ENGASE: variants seen among roughly 807,000 people sequenced by gnomAD.
ENGASE encodes the protein endo-beta-N-acetylglucosaminidase.
ENGASE carries 69 observed loss-of-function variants against 78.5 expected under a neutral mutation model. That is an observed-to-expected ratio of 0.88 (90% confidence interval 0.72 to 1.07). ENGASE has a LOEUF of 1.07. Among genes scored for constraint, ENGASE ranks in the 50% least tolerant of loss-of-function variants. The probability of loss-of-function intolerance (pLI) is 0.00; values close to 1 mark genes in which losing one functional copy is unlikely to be tolerated. For synonymous variants in ENGASE, 408 were observed against 408.9 expected (o/e 1.00, Z 0.03); for missense variants, 943 against 988.4 (o/e 0.95, Z 0.62).
In ENGASE at chr17:79,086,092, C is replaced by T. The variant is rs117014247; in HGVS notation, c.1975C>T (p.Arg659Cys). 0.019 allele frequency: 30,583 copies of T among 1,613,652 alleles called. 390 individuals are homozygous for T. The highest frequency in any genetic ancestry group is 0.023 in the Non-Finnish European group (27,126 of 1,180,036). Residue 659 changes from arginine to cysteine, a missense_variant, in exon 14 of 14, where the codon CGT becomes TGT. By Grantham distance (180) the Arg-to-Cys change is radical (BLOSUM62 -3). Transcript: ENST00000579016. ...CTGGTCCTTCCTCCTCTCACAAGTCCGTTGCTTCCGAATCCACTGCTGGGG... is the reference window on the plus strand; with the variant it reads ...CTGGTCCTTCCTCCTCTCACAAGTCTGTTGCTTCCGAATCCACTGCTGGGG... ...LHWSFLLSQV[R>C]CFRIHCWGGM... is the part of the protein sequence containing the mutation.
At position 79,074,983 on chromosome 17, in the gene ENGASE, A is replaced by ACGGCGG. The variant is rs768518441; in HGVS notation, c.50_55dup (p.Arg17_Arg18dup). 4.9e-6 allele frequency: 6 copies of ACGGCGG among 1,230,168 alleles called. No individual in the cohort carries two copies. Among genetic ancestry groups the ACGGCGG allele is most frequent in the Non-Finnish European group, 4.1e-6 (4 of 984,508 alleles). 76.2% of individuals were successfully genotyped at this position (1,230,168 alleles called of 1,614,324 possible). A position where few individuals can be genotyped will look rare whatever the true frequency, so the allele number is the denominator to read the frequency against. ...CGGTGACGGTCACCCGGTCGGCTAC[A>ACGGCGG]CGGCGGCGGCGGCGGCAGCTGCAGG... On this transcript the variant is annotated inframe_insertion, in exon 1 of 14. Transcript: ENST00000579016.
rs2073214610 is a variant in ENGASE at position 79,083,804 on chromosome 17, TC to T, written c.1297del (p.Gln433SerfsTer17). 5 of 1,612,222 alleles carry T rather than the reference TC, an allele frequency of 3.1e-6. No individual in the cohort carries two copies. Among genetic ancestry groups the T allele is most frequent in the Non-Finnish European group, 4.2e-6 (5 of 1,179,446 alleles). Reference sequence around the variant, plus strand: ...TGGTACCACCTGAGCGCCCAGGAGATCCAGCCCTTGTTTGGAGAACACAGGC... The same window carrying T: ...TGGTACCACCTGAGCGCCCAGGAGATCAGCCCTTGTTTGGAGAACACAGGC... ...GPWYHLSAQE[I>X]QPLFGEHRLG... On this transcript the variant is annotated frameshift_variant, in exon 10 of 14. Transcript: ENST00000579016. LOFTEE classifies it high-confidence loss of function. The surrounding 1 kb of genome is among the most constrained non-coding windows in gnomAD (Gnocchi z 4.9).
Position 79,088,147 on chromosome 17 carries a change from C to CGGGGACTGTCCTGGGTG in ENGASE, c.*1799_*1800insGGGACTGTCCTGGGTGG, listed in dbSNP as rs2073385597. On this transcript the variant is annotated 3_prime_UTR_variant, in exon 14 of 14. Transcript: ENST00000579016. The stretch of plus-strand genomic sequence containing the variant: ...ACGGCAGGTGAACACAAGCGGCTGC[C>CGGGGACTGTCCTGGGTG]GCATGTAGCCACTCACTCGACTTTT... 2 of 152,162 alleles carry CGGGGACTGTCCTGGGTG rather than the reference C, an allele frequency of 1.3e-5. No individual in the cohort carries two copies. Among genetic ancestry groups the CGGGGACTGTCCTGGGTG allele is most frequent in the Non-Finnish European group, 2.9e-5 (2 of 68,060 alleles). 9.4% of individuals were successfully genotyped at this position (152,162 alleles called of 1,614,324 possible). A position where few individuals can be genotyped will look rare whatever the true frequency, so the allele number is the denominator to read the frequency against.
intron 1 of ENGASE, 85 bp downstream of exon 1, chr17:79,075,175 C>G: frequency 8.5e-7 from 1 of 1,180,680 alleles, no homozygotes; most frequent in South Asian, 4.2e-5. Flanking sequence ...GGCACGGGCG[C>G]GCCGAGGGGC....
intron 6 of ENGASE, 100 bp downstream of exon 6, chr17:79,081,173 G>A (rs2073126198): frequency 7.4e-7 from 1 of 1,344,110 alleles, no homozygotes; most frequent in Admixed American, 2.4e-5. Flanking sequence ...TCTCCCTCAT[G>A]GAGGTGATGC....
In ENGASE at chr17:79,083,518, T is replaced by G. The variant is rs770908310; in HGVS notation, c.1179T>G (p.His393Gln). The G allele has an allele frequency of 3.7e-6, 6 of 1,614,050 alleles. No individual in the cohort carries two copies. The highest frequency in any genetic ancestry group is 5.1e-6 in the Non-Finnish European group (6 of 1,180,014). The change falls in exon 9 of 14, where the codon CAT becomes CAG. Residue 393 changes from histidine (H) to glutamine (Q), a missense_variant. Transcript: ENST00000579016. The surrounding 1 kb of genome is among the most constrained non-coding windows in gnomAD (Gnocchi z 4.9). The part of the protein sequence containing the change: ...WGRLERYLPT[H>Q]SICSLPFVTS... ...GACTGGAGCGTTATCTGCCCACACATAGCATCTGCTCCTTGCCTTTCGTCA... is the reference window on the plus strand; with the variant it reads ...GACTGGAGCGTTATCTGCCCACACAGAGCATCTGCTCCTTGCCTTTCGTCA...
In ENGASE at chr17:79,086,632, A is replaced by C. The variant is rs2073321332; in HGVS notation, c.*283A>C. ...CCACGGTACCTGGTTCCCAGGTGAA[A>C]ATGAAAGGAGGGGAGAAGTTGAGAA... On this transcript the variant is annotated 3_prime_UTR_variant, in exon 14 of 14. Transcript: ENST00000579016. The C allele has an allele frequency of 5.6e-6, 3 of 535,804 alleles. No individual in the cohort carries two copies. Among genetic ancestry groups the C allele is most frequent in the Non-Finnish European group, 6.7e-6 (2 of 297,554 alleles). 33.2% of individuals were successfully genotyped at this position (535,804 alleles called of 1,614,324 possible). A position where few individuals can be genotyped will look rare whatever the true frequency, so the allele number is the denominator to read the frequency against.
At chr17:79,076,987 C>A (rs1347784002) in intron 1 of ENGASE, among the ~76,000 whole-genome samples, 2 of 152,232 alleles carry the variant, frequency 1.3e-5, no homozygotes, top group Non-Finnish European at 1.5e-5. Flanking sequence ...ATTCTCCCTG[C>A]CTCAGCCTCC....
chr17:79,080,916 C>G lies in ENGASE; in HGVS notation c.724-9C>G. The stretch of plus-strand genomic sequence containing the variant: ...TCACTGAGGCTCTCACCTTGTTCTT[C>G]TCTTTCAGCTGGCCGCTGTGGGGAA... On this transcript the variant is annotated splice_polypyrimidine_tract_variant and intron_variant, in intron 5 of 13. Coordinates refer to ENST00000579016, the MANE Select transcript of ENGASE (RefSeq NM_001042573.3). 1 of 1,607,280 alleles carries G rather than the reference C, an allele frequency of 6.2e-7. No homozygotes were observed. The highest frequency in any genetic ancestry group is 8.5e-7 in the Non-Finnish European group (1 of 1,175,904).
In ENGASE at chr17:79,082,959, G is replaced by A. The variant is rs145360493; in HGVS notation, c.1039-61G>A. ...GAGAGCCCCAACCCACGTCACTGGCGTCCAGGAGCCTGTCTGGACTCTGGT... is the reference window on the plus strand; with the variant it reads ...GAGAGCCCCAACCCACGTCACTGGCATCCAGGAGCCTGTCTGGACTCTGGT... On this transcript the variant is annotated intron_variant, in intron 7 of 13. Transcript: ENST00000579016. 600 of 1,591,712 alleles carry A rather than the reference G, an allele frequency of 3.8e-4. 3 individuals are homozygous for A. In the Middle Eastern group the frequency reaches 0.015, roughly 40 times the overall value.
At position 79,077,857 on chromosome 17, in the gene ENGASE, G is replaced by C. The variant is rs1180932403; in HGVS notation, c.409G>C (p.Asp137His). The change falls in exon 3 of 14, where the codon GAT (aspartate) becomes CAT (histidine). Residue 137 changes from aspartate (D) to histidine (H), a missense_variant. Transcript: ENST00000579016. ...LCHDMMGGYLDDRFIQGSVVQ... is the reference protein window; with the variant it reads ...LCHDMMGGYLHDRFIQGSVVQ... ...TCATGACATGATGGGCGGGTACCTGGATGACAGGTGAGGACCTGGCCTTAC... is the reference window on the plus strand; with the variant it reads ...TCATGACATGATGGGCGGGTACCTGCATGACAGGTGAGGACCTGGCCTTAC... 2 of 1,546,970 alleles carry C rather than the reference G, an allele frequency of 1.3e-6. No homozygotes were observed. Among genetic ancestry groups the C allele is most frequent in the Admixed American group, 3.5e-5 (2 of 57,642 alleles).
chr17:79,080,957 G>A lies in ENGASE; in HGVS notation c.756G>A (p.Leu252=). The A allele has an allele frequency of 3.1e-6, 5 of 1,613,356 alleles. No homozygotes were observed. The highest frequency in any genetic ancestry group is 4.2e-6 in the Non-Finnish European group (5 of 1,179,822). ...LAAVGNMPPF[L]RYLTTQLHRQ... ...CTGTGGGGAACATGCCTCCTTTCCT[G>A]CGGTACCTCACCACACAGCTGCACC... is the stretch of plus-strand genomic sequence containing the variant. The change falls in exon 6 of 14, where the codon CTG becomes CTA. Residue 252 remains leucine (L), a synonymous_variant. Transcript: ENST00000579016.
In ENGASE at chr17:79,079,597, C is replaced by T. The variant is rs2073069847; in HGVS notation, c.525C>T (p.Gly175=). 2 of 1,613,934 alleles carry T rather than the reference C, an allele frequency of 1.2e-6. No individual in the cohort carries two copies. Among genetic ancestry groups the T allele is most frequent in the African/African-American group, 1.3e-5 (1 of 74,916 alleles). ...ACACCGTCACCATTCCCCCAGTGGG[C>T]TGGACCAACACTGCCCACAGGCATG... The part of the protein sequence containing the change: ...SHHTVTIPPV[G]WTNTAHRHGV... The change falls in exon 4 of 14, where the codon GGC becomes GGT. Residue 175 remains glycine (G), a synonymous_variant. Coordinates refer to ENST00000579016, the MANE Select transcript of ENGASE (RefSeq NM_001042573.3).
intron 13 of ENGASE, 49 bp downstream of exon 13, chr17:79,085,783 G>A: frequency 6.2e-7 from 1 of 1,605,902 alleles, no homozygotes; most frequent in Non-Finnish European, 8.5e-7. Flanking sequence ...TTGTCCAGCT[G>A]GAGTGGGGGT....
chr17:79,081,964 G>GATGCTGGGGC lies in ENGASE; in HGVS notation c.941_950dup (p.Gln317HisfsTer11). The GATGCTGGGGC allele has an allele frequency of 6.2e-7, 1 of 1,614,206 alleles. No individual in the cohort carries two copies. Among genetic ancestry groups the GATGCTGGGGC allele is most frequent in the Non-Finnish European group, 8.5e-7 (1 of 1,180,028 alleles). ...ACTGGCGGGAGGAGCACTTGGAGCG[G>GATGCTGGGGC]ATGCTGGGGCAGGCTGGGGAGCGCC... On this transcript the variant is annotated frameshift_variant, in exon 7 of 14. Transcript: ENST00000579016. LOFTEE classifies it high-confidence loss of function.
At position 79,083,427 on chromosome 17, in the gene ENGASE, T is replaced by G. The variant is rs575852284; in HGVS notation, c.1143-55T>G. 8.3e-5 allele frequency: 117 copies of G among 1,406,828 alleles called. 2 individuals are homozygous for G. In the East Asian group the frequency reaches 2.6e-3, roughly 31 times the overall value. 87.1% of individuals were successfully genotyped at this position (1,406,828 alleles called of 1,614,324 possible). A position where few individuals can be genotyped will look rare whatever the true frequency, so the allele number is the denominator to read the frequency against. On this transcript the variant is annotated intron_variant, in intron 8 of 13. Coordinates refer to ENST00000579016, the MANE Select transcript of ENGASE (RefSeq NM_001042573.3). This position sits in a 1 kb window ranked among gnomAD's most constrained non-coding sequence, Gnocchi z 4.9. ...TTCCACCAGCAAGTTTGAGGGACAC[T>G]GAGAGGCTCCCTCCCTTCCTCCGGA...
Position 79,083,576 on chromosome 17 carries a change from G to C in ENGASE, c.1237G>C (p.Val413Leu), listed in dbSNP as rs1050348799. Residue 413 changes from valine (V) to leucine (L), a missense_variant, in exon 9 of 14, where the codon GTC becomes CTC. By Grantham distance (32) the Val-to-Leu change is conservative. Coordinates refer to ENST00000579016, the MANE Select transcript of ENGASE (RefSeq NM_001042573.3). The surrounding 1 kb of genome is among the most constrained non-coding windows in gnomAD (Gnocchi z 4.9). ...SFCLGMGARR[V>L]CYGQEEAVGP... ...CTGCCTGGGCATGGGTGCACGGAGG[G>C]TCTGCTATGGCCAGGTGGGTGGGTG... The C allele has an allele frequency of 5.0e-6, 8 of 1,613,904 alleles. No homozygotes were observed. The highest frequency in any genetic ancestry group is 8.5e-7 in the Non-Finnish European group (1 of 1,179,884).
At position 79,080,995 on chromosome 17, in the gene ENGASE, G is replaced by A; in HGVS notation, c.794G>A (p.Gly265Glu). The A allele has an allele frequency of 6.2e-7, 1 of 1,613,130 alleles. No homozygotes were observed. Among genetic ancestry groups the A allele is most frequent in the South Asian group, 1.1e-5 (1 of 91,034 alleles). Residue 265 changes from glycine (G) to glutamate (E), a missense_variant, in exon 6 of 14, where the codon GGG becomes GAG. Transcript: ENST00000579016. ...LTTQLHRQVP[G>E]GLVLWYDSVV... ...ACACAGCTGCACCGGCAGGTCCCAG[G>A]GGGCCTGGTGCTCTGGTATGACAGC...
intron 1 of ENGASE, among the ~76,000 whole-genome samples, chr17:79,076,941 C>T (rs115467255): frequency 7.9e-5 from 12 of 152,128 alleles, no homozygotes; most frequent in African/African-American, 1.7e-4. Flanking sequence ...GGCACAGTCC[C>T]GGCTCACTGC....
Sources: gnomAD v4.1 joint callset for allele counts (sites outside exome capture counted in the v4.1 genomes callset) on GRCh38, gnomAD v4.1.1 for gene constraint, Gnocchi (gnomAD v3.1) non-coding constraint, MANE v1.5 for transcripts, NCBI Gene and HGNC (gene_info 2026-07-23, HGNC 2026-07-21) for gene names.